Variants in SYT13 observed in about 807,000 individuals in gnomAD.
The protein encoded by SYT13 is synaptotagmin-13.
In SYT13, 21 loss-of-function variants were observed where a neutral mutation model predicts 38.6. The ratio of observed to expected loss-of-function variants is 0.54; its 90% CI spans 0.39 to 0.78. The LOEUF is 0.78. Among genes scored for constraint, SYT13 ranks in the 30% least tolerant of loss-of-function variants. SYT13 has a pLI of 0.00. For synonymous variants in SYT13, 241 were observed against 237.6 expected (o/e 1.01, Z -0.13); for missense variants, 495 against 548.7 (o/e 0.90, Z 0.98).
intron 1 of SYT13, among the ~76,000 whole-genome samples, chr11:45,271,712 G>T (rs949684798): frequency 5.9e-5 from 9 of 152,200 alleles, no homozygotes; most frequent in Admixed American, 2.6e-4. Context: ...GGGATGGACG[G>T]ATGTGGAGGA....
rs770667994 is a variant in SYT13 at position 45,255,885 on chromosome 11, C to T, written c.190G>A (p.Val64Ile). The change falls in exon 2 of 6, where the codon GTT (valine) becomes ATT (isoleucine). Residue 64 changes from valine to isoleucine, a missense_variant. Physicochemically the swap from Val to Ile is conservative, Grantham distance 29. Transcript: ENST00000020926. The stretch of plus-strand genomic sequence containing the variant: ...TGAACAGGTTCCGTGGACTTTTTAA[C>T]ATTGAACTGCAAACACAAATTACTC... The part of the protein sequence containing the change: ...SLLGSAQQFN[V>I]KKSTEPVQPR... The T allele has an allele frequency of 1.2e-6, 2 of 1,614,124 alleles. No individual in the cohort carries two copies. Among genetic ancestry groups the T allele is most frequent in the Non-Finnish European group, 1.7e-6 (2 of 1,180,020 alleles).
chr11:45,276,717 AAAAAAAAT>A (rs893283436), intron 1 of SYT13, among the ~76,000 whole-genome samples: 1 of 114,508 alleles, frequency 8.7e-6, no homozygotes, highest in African/African-American at 5.0e-5. Flanking sequence ...CTTTTTAAAA[AAAAAAAAT>A]AAATAAAATA....
At chr11:45,270,133 T>G (rs1854932521) in intron 1 of SYT13, among the ~76,000 whole-genome samples, 1 of 152,194 alleles carries the variant, frequency 6.6e-6, no homozygotes, top group South Asian at 2.1e-4. Flanking sequence ...TTTCCAAAAT[T>G]TCCACTTCTG....
chr11:45,278,161 G>A (rs1292644388), intron 1 of SYT13, among the ~76,000 whole-genome samples: 2 of 152,148 alleles, frequency 1.3e-5, no homozygotes, highest in Non-Finnish European at 2.9e-5. Context: ...CATACGTATA[G>A]AATCTCTTAG....
At chr11:45,285,945 C>T in intron 1 of SYT13, 80 bp downstream of exon 1, 5 of 1,540,898 alleles carry the variant, frequency 3.2e-6, no homozygotes, top group Non-Finnish European at 4.4e-6. Context: ...CCACGACCGC[C>T]TCCCACCCCA....
At chr11:45,277,077 A>G (rs1855019712) in intron 1 of SYT13, among the ~76,000 whole-genome samples, 1 of 152,240 alleles carries the variant, frequency 6.6e-6, no homozygotes, top group African/African-American at 2.4e-5. Flanking sequence ...ATAAAAAATA[A>G]AGTACTGATA....
chr11:45,279,771 A>G (rs1013930449), intron 1 of SYT13, among the ~76,000 whole-genome samples: 4 of 152,182 alleles, frequency 2.6e-5, no homozygotes, highest in African/African-American at 9.7e-5. Flanking sequence ...TAAGCTAGAA[A>G]ATGAGTCCTG....
intron 5 of SYT13, among the ~76,000 whole-genome samples, chr11:45,246,117 T>A (rs896310917): frequency 6.6e-6 from 1 of 152,168 alleles, no homozygotes; most frequent in African/African-American, 2.4e-5. Flanking sequence ...ATCTCCAAGG[T>A]AGGGAACCCC....
At position 45,244,033 on chromosome 11, in the gene SYT13, G is replaced by T. The variant is rs760751432; in HGVS notation, c.*19C>A. On this transcript the variant is annotated 3_prime_UTR_variant, in exon 6 of 6. Transcript: ENST00000020926. ...GACGGGTCAGGGCTGTCCAAGAAGGGAGGCAGCTGGGCAGCTGGTTACAGG... is the reference window on the plus strand; with the variant it reads ...GACGGGTCAGGGCTGTCCAAGAAGGTAGGCAGCTGGGCAGCTGGTTACAGG... 6.3e-7 allele frequency: 1 copy of T among 1,577,814 alleles called. No individual in the cohort carries two copies. Among genetic ancestry groups the T allele is most frequent in the Non-Finnish European group, 8.6e-7 (1 of 1,165,366 alleles).
intron 4 of SYT13, among the ~76,000 whole-genome samples, chr11:45,250,366 G>A (rs561214244): frequency 6.6e-5 from 10 of 152,314 alleles, no homozygotes; most frequent in Admixed American, 2.0e-4. Flanking sequence ...TTGGCACAGC[G>A]CCTGGCACAT....
At chr11:45,261,674 G>C (rs1365489188) in intron 1 of SYT13, among the ~76,000 whole-genome samples, 1 of 151,948 alleles carries the variant, frequency 6.6e-6, no homozygotes, top group Non-Finnish European at 1.5e-5. Context: ...CCAGCACTTT[G>C]GGAGGCCAAA....
intron 5 of SYT13, 72 bp downstream of exon 5, chr11:45,246,311 A>G (rs1854612971): frequency 1.9e-6 from 3 of 1,575,466 alleles, no homozygotes; most frequent in Admixed American, 3.7e-5. Flanking sequence ...ATTTCCTCCC[A>G]GGCACCACCT....
At position 45,286,326 on chromosome 11, in the gene SYT13, G is replaced by T; in HGVS notation, c.-119C>A. ...CAGCAGCTCTCCCGCCGCCAGAGGG[G>T]CGGGGACGGAGGGAGGGAGGACGGC... is the stretch of plus-strand genomic sequence containing the variant. On this transcript the variant is annotated 5_prime_UTR_variant, in exon 1 of 6. Transcript: ENST00000020926. 8.0e-7 allele frequency: 1 copy of T among 1,245,500 alleles called. No individual in the cohort carries two copies. Among genetic ancestry groups the T allele is most frequent in the African/African-American group, 1.6e-5 (1 of 63,068 alleles). 77.2% of individuals were successfully genotyped at this position (1,245,500 alleles called of 1,614,324 possible). A position where few individuals can be genotyped will look rare whatever the true frequency, so the allele number is the denominator to read the frequency against.
chr11:45,243,183 GA>G lies in SYT13; in HGVS notation c.*868del, dbSNP rs1854573087. ...AGGGATGGTCTCCCCAAGGATAATA[GA>G]AACTGATTTTAAGATAAAAACAATA... On this transcript the variant is annotated 3_prime_UTR_variant, in exon 6 of 6. Transcript: ENST00000020926. 1 of 152,164 alleles carries G rather than the reference GA, an allele frequency of 6.6e-6. No individual in the cohort carries two copies. The allele number at this position is 152,164 out of a possible 1,614,324, so 9.4% of individuals were successfully genotyped here. A position where few individuals can be genotyped will look rare whatever the true frequency, so the allele number is the denominator to read the frequency against.
At chr11:45,259,933 A>G (rs1381110663) in intron 1 of SYT13, among the ~76,000 whole-genome samples, 1 of 152,206 alleles carries the variant, frequency 6.6e-6, no homozygotes, top group Non-Finnish European at 1.5e-5. Flanking sequence ...CAATCCAGCA[A>G]TCTGTCTTGC....
chr11:45,284,106 G>A (rs1855107047), intron 1 of SYT13, among the ~76,000 whole-genome samples: 1 of 152,192 alleles, frequency 6.6e-6, no homozygotes, highest in African/African-American at 2.4e-5. Flanking sequence ...GGCAGAAAAG[G>A]GCTTGGTGTT....
rs1854573386 is a variant in SYT13 at position 45,243,208 on chromosome 11, T to C, written c.*844A>G. The C allele has an allele frequency of 6.6e-6, 1 of 152,150 alleles. No individual in the cohort carries two copies. Among genetic ancestry groups the C allele is most frequent in the Non-Finnish European group, 1.5e-5 (1 of 68,000 alleles). 9.4% of individuals were successfully genotyped at this position (152,150 alleles called of 1,614,324 possible). A position where few individuals can be genotyped will look rare whatever the true frequency, so the allele number is the denominator to read the frequency against. ...GAAACTGATTTTAAGATAAAAACAATAAAATTCTTCAATAAAAAGCACAAA... is the reference window on the plus strand; with the variant it reads ...GAAACTGATTTTAAGATAAAAACAACAAAATTCTTCAATAAAAAGCACAAA... On this transcript the variant is annotated 3_prime_UTR_variant, in exon 6 of 6. Coordinates refer to ENST00000020926, the MANE Select transcript of SYT13 (RefSeq NM_020826.3).
intron 1 of SYT13, among the ~76,000 whole-genome samples, chr11:45,279,460 GAC>G: frequency 6.6e-6 from 1 of 152,242 alleles, no homozygotes; most frequent in East Asian, 1.9e-4. Context: ...GGTGGCACAT[GAC>G]TGTATTCCCA....
intron 1 of SYT13, among the ~76,000 whole-genome samples, chr11:45,260,953 G>A (rs1264175435): frequency 6.6e-6 from 1 of 152,176 alleles, no homozygotes; most frequent in Admixed American, 6.6e-5. Flanking sequence ...AGACACCAGG[G>A]ACACTCTGTC....
Sources: allele counts gnomAD v4.1 joint callset (sites outside exome capture counted in the v4.1 genomes callset), GRCh38; gene constraint gnomAD v4.1.1; transcripts MANE v1.5; gene names NCBI Gene and HGNC (gene_info 2026-07-23, HGNC 2026-07-21).